The following CPEB1 variants were observed in gnomAD, a reference collection of about 807,000 sequenced individuals.
The protein encoded by CPEB1 is cytoplasmic polyadenylation element-binding protein 1.
A neutral mutation model predicts 65.8 loss-of-function variants in CPEB1; 7 were observed. The observed-to-expected ratio is 0.11, with a 90% CI of 0.06 to 0.20. The LOEUF (loss-of-function observed/expected upper bound fraction) is 0.20. CPEB1 is among the 10% of genes least tolerant of loss of function. CPEB1 has a pLI of 1.00. For synonymous variants in CPEB1, 262 were observed against 260.0 expected (o/e 1.01, Z -0.08); for missense variants, 551 against 712.2 (o/e 0.77, Z 2.58).
rs752486940 is a variant in CPEB1 at position 82,614,848 on chromosome 15, AGTGTGTGT to A, written c.271+12337_271+12344del. Reference sequence around the variant, plus strand: ...ACCTAGTTCAACTCTTTAAAATATAAGTGTGTGTGTGTGTGTGTGTGTGTGTGTGTGTA... The same window carrying A: ...ACCTAGTTCAACTCTTTAAAATATAAGTGTGTGTGTGTGTGTGTGTGTGTA... On this transcript the variant is annotated intron_variant, in intron 3 of 12. Transcript: ENST00000684509. Among the ~76,000 whole-genome samples the A allele has an allele frequency of 8.1e-3, 1,173 of 143,988 alleles. 13 individuals are homozygous for A. The highest frequency in any genetic ancestry group is 9.0e-3 in the Non-Finnish European group (582 of 64,588). 94.5% of individuals were successfully genotyped at this position (143,988 alleles called of 152,430 possible).
intron 4 of CPEB1, among the ~76,000 whole-genome samples, chr15:82,562,872 C>T (rs921664565): frequency 3.3e-5 from 5 of 150,180 alleles, no homozygotes; most frequent in African/African-American, 1.2e-4. Flanking sequence ...AATTTAAATA[C>T]AGTTCTCACA....
At chr15:82,578,396 A>T (rs2040891950) in intron 3 of CPEB1, among the ~76,000 whole-genome samples, 1 of 152,208 alleles carries the variant, frequency 6.6e-6, no homozygotes, top group Admixed American at 6.5e-5. Flanking sequence ...TTCATTCCCC[A>T]TCTACTTATT....
At chr15:82,629,479 T>G (rs2046059923) in intron 1 of CPEB1, 11 of 984,758 alleles carry the variant, frequency 1.1e-5, no homozygotes, top group Non-Finnish European at 1.1e-5. Context: ...CATGAACCCT[T>G]ACACAAAAAC....
intron 3 of CPEB1, among the ~76,000 whole-genome samples, chr15:82,610,110 G>A (rs2043988356): frequency 6.8e-6 from 1 of 147,374 alleles, no homozygotes; most frequent in African/African-American, 2.5e-5. Context: ...CTGCAAATTA[G>A]AAAACATAGG....
At chr15:82,594,870 G>C (rs1446886149) in intron 3 of CPEB1, among the ~76,000 whole-genome samples, 1 of 152,092 alleles carries the variant, frequency 6.6e-6, no homozygotes, top group African/African-American at 2.4e-5. Flanking sequence ...AAGAAAGTGG[G>C]AGAGAGACAG....
chr15:82,559,844 G>A (rs2037888380), intron 4 of CPEB1, among the ~76,000 whole-genome samples: 1 of 152,216 alleles, frequency 6.6e-6, no homozygotes, highest in Non-Finnish European at 1.5e-5. Flanking sequence ...AGCACTTTGG[G>A]AGGTTGAGAC....
rs891704079 is a variant in CPEB1 at position 82,596,683 on chromosome 15, G to A, written c.272-25151C>T. On this transcript the variant is annotated intron_variant, in intron 3 of 12. Coordinates refer to ENST00000684509, the MANE Select transcript of CPEB1 (RefSeq NM_001365242.1). Reference sequence around the variant, plus strand: ...ACTGCACTCCAACCTGGGCAACAGAGGGAGACTCTGTCTCAAAAAAAAAAA... The same window carrying A: ...ACTGCACTCCAACCTGGGCAACAGAAGGAGACTCTGTCTCAAAAAAAAAAA... 9.9e-4 allele frequency among the ~76,000 whole-genome samples: 137 copies of A among 137,970 alleles called. 1 individual carries two copies. Among genetic ancestry groups the A allele is most frequent in the Admixed American group, 6.7e-4 (9 of 13,496 alleles). 90.5% of individuals were successfully genotyped at this position (137,970 alleles called of 152,430 possible). A position where few individuals can be genotyped will look rare whatever the true frequency, so the allele number is the denominator to read the frequency against.
intron 3 of CPEB1, among the ~76,000 whole-genome samples, chr15:82,605,008 C>A (rs1379302759): frequency 6.6e-6 from 1 of 152,146 alleles, no homozygotes; most frequent in African/African-American, 2.4e-5. Context: ...AAGCAATCAT[C>A]ATATATGACA....
intron 1 of CPEB1, among the ~76,000 whole-genome samples, chr15:82,638,183 T>C (rs1452040890): frequency 6.6e-6 from 1 of 152,184 alleles, no homozygotes; most frequent in African/African-American, 2.4e-5. Context: ...TGGCTATTAA[T>C]ACTACACCAA....
rs80181566 is a variant in CPEB1, at chr15:82,555,201, T to C, written c.940+669A>G. Among the ~76,000 whole-genome samples the C allele has an allele frequency of 8.2e-3, 1,242 of 152,378 alleles. 19 individuals are homozygous for C. Among genetic ancestry groups the C allele is most frequent in the African/African-American group, 0.027 (1,135 of 41,584 alleles). Reference sequence around the variant, plus strand: ...TTTATTTTTTAAACCTTTTAAAATATATAGAGATGGGGTCTTGCTATGTTT... The same window carrying C: ...TTTATTTTTTAAACCTTTTAAAATACATAGAGATGGGGTCTTGCTATGTTT... On this transcript the variant is annotated intron_variant, in intron 6 of 12. Transcript: ENST00000684509.
At chr15:82,577,170 G>A (rs2040741077) in intron 3 of CPEB1, among the ~76,000 whole-genome samples, 1 of 152,168 alleles carries the variant, frequency 6.6e-6, no homozygotes, top group Admixed American at 6.5e-5. Context: ...GTTGGCAAAG[G>A]TGTGTTTTGT....
chr15:82,639,761 A>T (rs1469294779), intron 1 of CPEB1, among the ~76,000 whole-genome samples: 1 of 152,142 alleles, frequency 6.6e-6, no homozygotes, highest in Non-Finnish European at 1.5e-5. Flanking sequence ...TATGCTGAAC[A>T]TCGGCTTTCC....
chr15:82,612,480 G>C (rs980910821), intron 3 of CPEB1, among the ~76,000 whole-genome samples: 2 of 138,422 alleles, frequency 1.4e-5, no homozygotes, highest in African/African-American at 5.4e-5. Context: ...CTGGGTAACA[G>C]AGCGAGAGTC....
chr15:82,609,444 T>C (rs1052196293), intron 3 of CPEB1, among the ~76,000 whole-genome samples: 7 of 151,380 alleles, frequency 4.6e-5, no homozygotes, highest in Admixed American at 3.3e-4. Flanking sequence ...GCGGCTGCAG[T>C]GAGCTGTGAT....
At chr15:82,607,558 G>A (rs1417664809) in intron 3 of CPEB1, among the ~76,000 whole-genome samples, 1 of 152,096 alleles carries the variant, frequency 6.6e-6, no homozygotes, top group Non-Finnish European at 1.5e-5. Context: ...CTGCACTCCA[G>A]CCTGGATGAC....
intron 3 of CPEB1, among the ~76,000 whole-genome samples, chr15:82,592,577 CAA>C (rs71453399): frequency 1.1e-3 from 96 of 85,398 alleles, no homozygotes; most frequent in Non-Finnish European, 1.5e-3. Flanking sequence ...GATATTGTCT[CAA>C]AAAAAAAAAA....
At chr15:82,578,165 T>C (rs777720290) in intron 3 of CPEB1, among the ~76,000 whole-genome samples, 22 of 151,992 alleles carry the variant, frequency 1.4e-4, no homozygotes, top group Non-Finnish European at 2.4e-4. Flanking sequence ...ATAAAAAAGC[T>C]ACATTGATAA....
At chr15:82,558,024 T>C in intron 4 of CPEB1, 38 bp from the exon 5 acceptor site, 1 of 1,435,406 alleles carries the variant, frequency 7.0e-7, no homozygotes, top group South Asian at 1.4e-5. Context: ...GACCTCTTAG[T>C]TTTCTTTGCA....
chr15:82,616,537 ATTT>A (rs35713948), intron 3 of CPEB1, among the ~76,000 whole-genome samples: 15 of 137,580 alleles, frequency 1.1e-4, no homozygotes, highest in Non-Finnish European at 1.9e-4. Context: ...CTCTTTTTAA[ATTT>A]TTTTTTTTTT....
Sources: allele counts gnomAD v4.1 joint callset (sites outside exome capture counted in the v4.1 genomes callset), GRCh38; gene constraint gnomAD v4.1.1; transcripts MANE v1.5; gene names NCBI Gene and HGNC (gene_info 2026-07-23, HGNC 2026-07-21).